ARHGAP26: variants seen among roughly 807,000 people sequenced by gnomAD.
ARHGAP26 encodes the protein rho GTPase-activating protein 26.
In ARHGAP26, 38 loss-of-function variants were observed where a neutral mutation model predicts 104.8. That is an observed-to-expected ratio of 0.36 (90% CI 0.28 to 0.48). The LOEUF is 0.48. Ranked by LOEUF, ARHGAP26 falls within the 20% of genes least tolerant of loss-of-function variation. The pLI is 0.99. For synonymous variants in ARHGAP26, 341 were observed against 340.0 expected, an observed-to-expected ratio of 1.00 and a Z score of -0.03; for missense variants, 704 against 947.9, an observed-to-expected ratio of 0.74 and a Z score of 3.38.
chr5:143,222,392 G>T lies in ARHGAP26; in HGVS notation c.2226G>T (p.Gly742=). The change falls in exon 23 of 23, where the codon GGG becomes GGT. Residue 742 remains glycine, a synonymous_variant. Coordinates refer to ENST00000645722, the MANE Select transcript of ARHGAP26 (RefSeq NM_001135608.3). ...HPSQEPGWLE[G]TLNGKTGLIP... ...CTCAGGAGCCTGGCTGGTTGGAGGGGACTCTGAACGGAAAGACTGGCCTCA... is the reference window on the plus strand; with the variant it reads ...CTCAGGAGCCTGGCTGGTTGGAGGGTACTCTGAACGGAAAGACTGGCCTCA... 1.9e-6 allele frequency: 3 copies of T among 1,606,340 alleles called. No homozygotes were observed. Among genetic ancestry groups the T allele is most frequent in the Middle Eastern group, 1.7e-4 (1 of 6,034 alleles).
chr5:142,886,240 A>G (rs1757683619), intron 5 of ARHGAP26, among the ~76,000 whole-genome samples: 1 of 152,194 alleles, frequency 6.6e-6, no homozygotes, highest in Non-Finnish European at 1.5e-5. Context: ...CCTTTTTTTA[A>G]AATTTTAATT....
intron 7 of ARHGAP26, 83 bp from the exon 8 acceptor site, chr5:142,903,457 T>G (rs1370592556): frequency 7.0e-7 from 1 of 1,436,498 alleles, no homozygotes; most frequent in African/African-American, 1.4e-5. Flanking sequence ...TCATTTTAGA[T>G]CTAAGGATTC....
At chr5:143,220,353 G>A (rs1810982828) in intron 22 of ARHGAP26, among the ~76,000 whole-genome samples, 1 of 152,208 alleles carries the variant, frequency 6.6e-6, no homozygotes, top group Non-Finnish European at 1.5e-5. Flanking sequence ...GAGCAGTCCC[G>A]ATCCAGGGTC....
chr5:142,941,652 A>C (rs919519283), intron 11 of ARHGAP26, among the ~76,000 whole-genome samples: 1 of 152,242 alleles, frequency 6.6e-6, no homozygotes, highest in Non-Finnish European at 1.5e-5. Context: ...TCTTACATTT[A>C]ATAATATTCA....
intron 20 of ARHGAP26, chr5:143,166,035 G>C: frequency 7.6e-7 from 1 of 1,322,522 alleles, no homozygotes; most frequent in East Asian, 4.3e-5. Flanking sequence ...AGGCACTGGG[G>C]ATTTGGAATG....
intron 1 of ARHGAP26, among the ~76,000 whole-genome samples, chr5:142,780,571 G>A (rs1319023101): frequency 1.3e-5 from 2 of 152,186 alleles, no homozygotes; most frequent in African/African-American, 2.4e-5. Flanking sequence ...TCCAGTTTGT[G>A]TGTATTGTTA....
chr5:142,777,698 A>G (rs1183838427), intron 1 of ARHGAP26, among the ~76,000 whole-genome samples: 1 of 152,208 alleles, frequency 6.6e-6, no homozygotes, highest in African/African-American at 2.4e-5. Flanking sequence ...GACTAGAGTA[A>G]TGGCTTTTTG....
At chr5:143,094,686 G>GC (rs1364008033) in intron 17 of ARHGAP26, among the ~76,000 whole-genome samples, 1 of 152,190 alleles carries the variant, frequency 6.6e-6, no homozygotes, top group African/African-American at 2.4e-5. Flanking sequence ...GACACGTGTG[G>GC]CCCCTGCTGC....
intron 10 of ARHGAP26, among the ~76,000 whole-genome samples, chr5:142,928,641 T>C (rs1764260286): frequency 6.6e-6 from 1 of 152,190 alleles, no homozygotes. Flanking sequence ...TCTTGCCAGC[T>C]CTGTGATTGT....
At chr5:143,187,448 G>A (rs1599423658) in intron 20 of ARHGAP26, among the ~76,000 whole-genome samples, 1 of 152,136 alleles carries the variant, frequency 6.6e-6, no homozygotes, top group Non-Finnish European at 1.5e-5. Flanking sequence ...CAGCTTCTAG[G>A]GCAATTCAAG....
chr5:142,839,277 G>C (rs1022695044), intron 1 of ARHGAP26, among the ~76,000 whole-genome samples: 2 of 152,124 alleles, frequency 1.3e-5, no homozygotes, highest in African/African-American at 4.8e-5. Flanking sequence ...AGCACCTTCA[G>C]ACACTTAAAG....
intron 9 of ARHGAP26, among the ~76,000 whole-genome samples, chr5:142,912,284 C>A (rs185570743): frequency 1.3e-5 from 2 of 152,128 alleles, no homozygotes; most frequent in Non-Finnish European, 2.9e-5. Flanking sequence ...AAAGCAATTA[C>A]GTTAAGTGAA....
intron 17 of ARHGAP26, among the ~76,000 whole-genome samples, chr5:143,070,109 G>C (rs574186565): frequency 6.6e-6 from 1 of 152,088 alleles, no homozygotes; most frequent in South Asian, 2.1e-4. Context: ...AGGCAAATGT[G>C]GGGGGGTTCC....
chr5:143,081,060 G>C (rs1171530540), intron 17 of ARHGAP26, among the ~76,000 whole-genome samples: 1 of 152,096 alleles, frequency 6.6e-6, no homozygotes, highest in Non-Finnish European at 1.5e-5. Context: ...TTCACTGGGG[G>C]AGAAACGGAG....
intron 10 of ARHGAP26, chr5:142,919,161 C>G (rs407776): frequency 0.37 from 146,723 of 397,916 alleles, 30,715 homozygotes; most frequent in East Asian, 0.65. Context: ...GTTAAAATGA[C>G]GTCATTAGGG....
intron 10 of ARHGAP26, among the ~76,000 whole-genome samples, chr5:142,922,771 T>G (rs1316357039): frequency 6.6e-6 from 1 of 152,222 alleles, no homozygotes; most frequent in South Asian, 2.1e-4. Flanking sequence ...CAACGTGCCT[T>G]TATCTTTTGC....
intron 1 of ARHGAP26, among the ~76,000 whole-genome samples, chr5:142,839,087 G>A (rs1770199958): frequency 6.6e-6 from 1 of 152,210 alleles, no homozygotes. Flanking sequence ...TATAACCAGG[G>A]ATCTGCATTT....
At chr5:143,060,114 G>C (rs1323826251) in intron 17 of ARHGAP26, among the ~76,000 whole-genome samples, 2 of 152,204 alleles carry the variant, frequency 1.3e-5, no homozygotes, top group Non-Finnish European at 2.9e-5. Flanking sequence ...TGGGACAAGA[G>C]GTTTGTCTGA....
intron 18 of ARHGAP26, among the ~76,000 whole-genome samples, chr5:143,123,268 G>A (rs528425784): frequency 1.3e-5 from 2 of 152,328 alleles, no homozygotes; most frequent in East Asian, 1.9e-4. Context: ...ATATTCATAG[G>A]GTTTGTCGTC....
Sources: allele counts gnomAD v4.1 joint callset (sites outside exome capture counted in the v4.1 genomes callset), GRCh38; gene constraint gnomAD v4.1.1; transcripts MANE v1.5; gene names NCBI Gene and HGNC (gene_info 2026-07-23, HGNC 2026-07-21).